The following UGT8 variants were observed in gnomAD, a reference collection of about 807,000 sequenced individuals.
The protein encoded by UGT8 is UDP glycosyltransferase 8, also known as 2-hydroxyacylsphingosine 1-beta-galactosyltransferase.
A neutral mutation model predicts 40.5 loss-of-function variants in UGT8; 12 were observed. The observed-to-expected ratio is 0.30, with a 90% CI of 0.19 to 0.48. UGT8 has a LOEUF of 0.48. Among genes scored for constraint, UGT8 ranks in the 20% least tolerant of loss-of-function variants. UGT8 has a pLI of 0.99. For missense variants in UGT8, 513 were observed against 648.7 expected, an observed-to-expected ratio of 0.79 and a Z score of 2.27; for synonymous variants, 224 against 240.4, an observed-to-expected ratio of 0.93 and a Z score of 0.63.
In UGT8 at chr4:114,676,973, A is replaced by G. The variant is rs867434010; in HGVS notation, c.*685A>G. On this transcript the variant is annotated 3_prime_UTR_variant, in exon 6 of 6. Coordinates refer to ENST00000310836, the MANE Select transcript of UGT8 (RefSeq NM_001128174.3). ...GATAGAGTATGGCCACTTCTGGGGG[A>G]AAAACATGTAATTAAGTAAATGTAT... 1.1e-4 allele frequency: 16 copies of G among 151,074 alleles called. No individual in the cohort carries two copies. The highest frequency in any genetic ancestry group is 3.7e-4 in the African/African-American group (15 of 41,040). The allele number at this position is 151,074 out of a possible 1,614,324, so 9.4% of individuals were successfully genotyped here. A position where few individuals can be genotyped will look rare whatever the true frequency, so the allele number is the denominator to read the frequency against.
chr4:114,621,930 G>A (rs919943955), intron 1 of UGT8, among the ~76,000 whole-genome samples: 1 of 151,958 alleles, frequency 6.6e-6, no homozygotes, highest in African/African-American at 2.4e-5. Flanking sequence ...TTGTATGTTA[G>A]TGTATAATAC....
intron 2 of UGT8, among the ~76,000 whole-genome samples, chr4:114,627,534 A>G (rs773478704): frequency 6.6e-6 from 1 of 152,146 alleles, no homozygotes; most frequent in Non-Finnish European, 1.5e-5. Flanking sequence ...CTGGGATTAC[A>G]GGTGTGAGCC....
intron 1 of UGT8, among the ~76,000 whole-genome samples, chr4:114,609,681 T>G (rs1319776927): frequency 1.3e-5 from 2 of 152,122 alleles, no homozygotes; most frequent in Non-Finnish European, 2.9e-5. Context: ...AGGATTTGGT[T>G]GTTTGTCCAG....
In UGT8 at chr4:114,654,537, G is replaced by A. The variant is rs533917874; in HGVS notation, c.823-9458G>A. Among the ~76,000 whole-genome samples the A allele has an allele frequency of 2.0e-5, 3 of 152,210 alleles. No homozygotes were observed. The East Asian group carries it at 5.8e-4, about 29-fold the overall frequency. Reference sequence around the variant, plus strand: ...GGGGAATCAGCTAGAACACTTGAGAGCTAGAGGCTGGAATCATCCTCAGGC... The same window carrying A: ...GGGGAATCAGCTAGAACACTTGAGAACTAGAGGCTGGAATCATCCTCAGGC... On this transcript the variant is annotated intron_variant, in intron 2 of 5. Transcript: ENST00000310836.
intron 2 of UGT8, among the ~76,000 whole-genome samples, chr4:114,637,134 A>G (rs1394187710): frequency 6.6e-6 from 1 of 152,180 alleles, no homozygotes; most frequent in Admixed American, 6.5e-5. Context: ...AGGACACAAT[A>G]TGAATGCCCC....
At position 114,676,665 on chromosome 4, in the gene UGT8, T is replaced by TGTTTG. The variant is rs1735674262; in HGVS notation, c.*377_*378insGTTTG. ...TATGTGTGTGTGTGTGTGTGTGTGT[T>TGTTTG]TGTGTGTGTGTGTGTGTGTCCTAAT... On this transcript the variant is annotated 3_prime_UTR_variant, in exon 6 of 6. Transcript: ENST00000310836. 6.6e-6 allele frequency: 1 copy of TGTTTG among 150,410 alleles called. No individual in the cohort carries two copies. 9.3% of individuals were successfully genotyped at this position (150,410 alleles called of 1,614,324 possible). A position where few individuals can be genotyped will look rare whatever the true frequency, so the allele number is the denominator to read the frequency against.
intron 2 of UGT8, among the ~76,000 whole-genome samples, chr4:114,633,184 G>A (rs1238005219): frequency 6.6e-6 from 1 of 152,180 alleles, no homozygotes; most frequent in Non-Finnish European, 1.5e-5. Context: ...CCTAATATGT[G>A]CCAGGCACTG....
chr4:114,619,364 G>A (rs543562547), intron 1 of UGT8: 3 of 152,076 alleles, frequency 2.0e-5, no homozygotes, highest in Admixed American at 1.3e-4. Context: ...TATTGTTATT[G>A]TGAATGAAGT....
intron 5 of UGT8, among the ~76,000 whole-genome samples, chr4:114,673,531 A>G (rs1281639181): frequency 6.6e-6 from 1 of 152,240 alleles, no homozygotes; most frequent in Non-Finnish European, 1.5e-5. Flanking sequence ...CCAAGTAAAC[A>G]TATTGGAGTT....
chr4:114,609,576 G>C (rs1730923474), intron 1 of UGT8, among the ~76,000 whole-genome samples: 1 of 152,028 alleles, frequency 6.6e-6, no homozygotes, highest in Non-Finnish European at 1.5e-5. Context: ...CTCTTGTAGG[G>C]AATTCAGAGG....
At chr4:114,620,001 TTA>T (rs1731684500) in intron 1 of UGT8, among the ~76,000 whole-genome samples, 1 of 151,618 alleles carries the variant, frequency 6.6e-6, no homozygotes, top group Non-Finnish European at 1.5e-5. Context: ...TATAAGATAA[TTA>T]TATCTTGACA....
intron 2 of UGT8, among the ~76,000 whole-genome samples, chr4:114,637,827 A>G (rs772569701): frequency 1.3e-5 from 2 of 152,232 alleles, no homozygotes; most frequent in Non-Finnish European, 2.9e-5. Flanking sequence ...GCTGAAAGCA[A>G]TGAATACTGA....
intron 1 of UGT8, among the ~76,000 whole-genome samples, chr4:114,607,287 G>A (rs1730792855): frequency 6.6e-6 from 1 of 152,040 alleles, no homozygotes; most frequent in Admixed American, 6.6e-5. Context: ...TGGAACTATA[G>A]CTCACCACCT....
At chr4:114,642,289 C>G (rs1407206856) in intron 2 of UGT8, among the ~76,000 whole-genome samples, 1 of 151,682 alleles carries the variant, frequency 6.6e-6, no homozygotes, top group Non-Finnish European at 1.5e-5. Flanking sequence ...TTAAGGGAAA[C>G]GATCTATTTT....
At chr4:114,602,280 G>A (rs982138401) in intron 1 of UGT8, among the ~76,000 whole-genome samples, 1 of 152,064 alleles carries the variant, frequency 6.6e-6, no homozygotes, top group African/African-American at 2.4e-5. Flanking sequence ...ATTACTTTCT[G>A]CCATTGAAAC....
At position 114,623,510 on chromosome 4, in the gene UGT8, G is replaced by A. The variant is rs749061254; in HGVS notation, c.630G>A (p.Leu210=). 6.2e-7 allele frequency: 1 copy of A among 1,614,100 alleles called. No individual in the cohort carries two copies. The highest frequency in any genetic ancestry group is 8.5e-7 in the Non-Finnish European group (1 of 1,180,012). The change falls in exon 2 of 6, where the codon CTG becomes CTA. Residue 210 remains leucine (L), a synonymous_variant. Transcript: ENST00000310836. ...TTTCCAGATTAGGGGTCAGCTTTCT[G>A]GTTCTTCCCAAATATGAAAGGATAA... is the stretch of plus-strand genomic sequence containing the variant. ...YLISRLGVSF[L]VLPKYERIMQ...
intron 1 of UGT8, among the ~76,000 whole-genome samples, chr4:114,618,806 T>TA (rs909754531): frequency 6.6e-6 from 1 of 152,176 alleles, no homozygotes; most frequent in Non-Finnish European, 1.5e-5. Flanking sequence ...AGGTTTAAGG[T>TA]AAAAAATATA....
chr4:114,631,248 G>T (rs1436162081), intron 2 of UGT8, among the ~76,000 whole-genome samples: 2 of 152,182 alleles, frequency 1.3e-5, no homozygotes, highest in Admixed American at 1.3e-4. Flanking sequence ...TTGGGAGGCT[G>T]AGGCAGGTGG....
At chr4:114,672,450 A>C (rs1735352280) in intron 5 of UGT8, among the ~76,000 whole-genome samples, 2 of 152,246 alleles carry the variant, frequency 1.3e-5, no homozygotes, top group East Asian at 3.8e-4. Flanking sequence ...TGGATAAATA[A>C]AATGTGGTAT....
Sources: gnomAD v4.1 joint callset for allele counts (sites outside exome capture counted in the v4.1 genomes callset) on GRCh38, gnomAD v4.1.1 for gene constraint, MANE v1.5 for transcripts, NCBI Gene and HGNC (gene_info 2026-07-23, HGNC 2026-07-21) for gene names.